The following SP140 variants were observed in gnomAD, a reference collection of about 807,000 sequenced individuals.
SP140 encodes SP140 nuclear body protein.
SP140 carries 81 observed loss-of-function variants against 125.0 expected under a neutral mutation model. That is an observed-to-expected ratio of 0.65 (90% confidence interval 0.54 to 0.78). The LOEUF is 0.78. SP140 is among the 30% of genes least tolerant of loss of function. The pLI is 0.00. For missense variants in SP140, 858 were observed against 1,037.0 expected (o/e 0.83, Z 2.37); for synonymous variants, 312 against 354.0 (o/e 0.88, Z 1.33).
chr2:230,277,887 TAGAG>T (rs2054961142), intron 15 of SP140, among the ~76,000 whole-genome samples: 1 of 152,158 alleles, frequency 6.6e-6, no homozygotes, highest in Non-Finnish European at 1.5e-5. Flanking sequence ...CATCTGTTGA[TAGAG>T]ACTTAGGTTG....
chr2:230,270,931 CT>C, intron 15 of SP140: 1 of 437,858 alleles, frequency 2.3e-6, no homozygotes, highest in Non-Finnish European at 4.4e-6. Flanking sequence ...GAGTGGAAAA[CT>C]TTTCCTGGCT....
chr2:230,219,999 A>G lies in SP140; in HGVS notation c.-90-5756A>G, dbSNP rs146776742. On this transcript the variant is annotated intron_variant, in intron 3 of 4. Coordinates refer to the SP140 transcript ENST00000456542. ...AGGAAGTCTGTGCTTTGACAAACGC[A>G]GTAAGGGGCCGGGCTTCCGAGAAAA... The G allele has an allele frequency of 1.8e-4, 182 of 985,626 alleles. No homozygotes were observed. In the African/African-American group the frequency reaches 3.0e-3, roughly 16 times the overall value. The allele number at this position is 985,626 out of a possible 1,614,324, so 61.1% of individuals were successfully genotyped here. A position where few individuals can be genotyped will look rare whatever the true frequency, so the allele number is the denominator to read the frequency against.
At chr2:230,186,853 A>T in the SP140 span, among the ~76,000 whole-genome samples, 1 of 152,306 alleles carries the variant, frequency 6.6e-6, no homozygotes, top group African/African-American at 2.4e-5. Context: ...TTTATGGCTG[A>T]GTAATACACC....
rs771894235 is a variant in SP140, at chr2:230,255,479, G to A, written c.1187G>A (p.Cys396Tyr). 9.4e-5 allele frequency: 151 copies of A among 1,613,878 alleles called. No homozygotes were observed. Among genetic ancestry groups the A allele is most frequent in the South Asian group, 2.7e-4 (25 of 91,094 alleles). Residue 396 changes from cysteine to tyrosine, a missense_variant, in exon 12 of 27, where the codon TGT becomes TAT. Cys to Tyr is a radical substitution (Grantham distance 194). Transcript: ENST00000392045. The part of the protein sequence containing the change: ...EEGSDDCSEM[C>Y]DGEERQEASS... The stretch of plus-strand genomic sequence containing the variant: ...GGCAGTGATGACTGTTCGGAAATGT[G>A]TGATGGAGAAGAGCGCCAGGAAGCC...
intron 19 of SP140, among the ~76,000 whole-genome samples, chr2:230,291,398 C>T (rs2057098862): frequency 6.6e-6 from 1 of 152,152 alleles, no homozygotes; most frequent in Non-Finnish European, 1.5e-5. Flanking sequence ...ATTTGTTCCC[C>T]ACTGAAAGAA....
intron 3 of SP140, among the ~76,000 whole-genome samples, chr2:230,214,545 GA>G (rs2148936904): frequency 1.3e-5 from 2 of 152,266 alleles, no homozygotes; most frequent in East Asian, 3.9e-4. Context: ...AAGTGTTTGC[GA>G]TAAGGCACCA....
intron 15 of SP140, among the ~76,000 whole-genome samples, chr2:230,271,441 C>T (rs539508446): frequency 1.2e-4 from 19 of 152,006 alleles, no homozygotes; most frequent in Non-Finnish European, 2.5e-4. Flanking sequence ...GCCTATATTG[C>T]GTTAGAGAAA....
chr2:230,297,190 T>C (rs1292117023), intron 21 of SP140, among the ~76,000 whole-genome samples: 2 of 152,226 alleles, frequency 1.3e-5, no homozygotes, highest in East Asian at 1.9e-4. Flanking sequence ...TGGCAGATTC[T>C]AGTTGGTAAA....
At chr2:230,205,515 A>T (rs908753747) in intron 1 of SP140, among the ~76,000 whole-genome samples, 1 of 151,996 alleles carries the variant, frequency 6.6e-6, no homozygotes, top group Non-Finnish European at 1.5e-5. Flanking sequence ...TTTCTAGTTT[A>T]TATTCTTTCC....
chr2:230,310,407 A>G (rs996726112), intron 23 of SP140: 1 of 507,902 alleles, frequency 2.0e-6, no homozygotes, highest in East Asian at 3.8e-5. Flanking sequence ...GGGCTGTTGG[A>G]GGCCCGAGGT....
At chr2:230,207,191 CA>C (rs2043962050) in intron 1 of SP140, among the ~76,000 whole-genome samples, 1 of 152,164 alleles carries the variant, frequency 6.6e-6, no homozygotes, top group African/African-American at 2.4e-5. Flanking sequence ...CTATCCCTCT[CA>C]TGTATCTAAA....
intron 1 of SP140, among the ~76,000 whole-genome samples, chr2:230,231,762 A>T (rs1029058006): frequency 3.3e-5 from 5 of 152,076 alleles, no homozygotes; most frequent in South Asian, 4.2e-4. Flanking sequence ...GCTATAGTGC[A>T]GTGGCGTGGT....
At chr2:230,315,572 G>A (rs997731813), downstream of SP140, among the ~76,000 whole-genome samples, 6 of 152,082 alleles carry the variant, frequency 3.9e-5, no homozygotes, top group East Asian at 1.9e-4. Context: ...ATCATAATAC[G>A]TAGCAATTGG....
intron 15 of SP140, 155 bp downstream of exon 15, chr2:230,270,794 T>G (rs555044573): frequency 1.4e-6 from 1 of 734,946 alleles, no homozygotes; most frequent in Non-Finnish European, 2.4e-6. Flanking sequence ...TCCTAATCCC[T>G]GGACCTGTAA....
At chr2:230,295,842 C>T (rs2057657149) in intron 21 of SP140, among the ~76,000 whole-genome samples, 1 of 152,184 alleles carries the variant, frequency 6.6e-6, no homozygotes, top group African/African-American at 2.4e-5. Context: ...TTAAGAGCCT[C>T]CAGTGATTTC....
downstream of SP140, among the ~76,000 whole-genome samples, chr2:230,316,269 G>T (rs2059483059): frequency 6.6e-6 from 1 of 151,840 alleles, no homozygotes; most frequent in South Asian, 2.1e-4. Flanking sequence ...TAGGTAAGCT[G>T]TCAGGGGTTC....
upstream of SP140, among the ~76,000 whole-genome samples, chr2:230,198,899 G>A (rs541100513): frequency 3.9e-5 from 6 of 152,012 alleles, no homozygotes; most frequent in Admixed American, 2.0e-4. Context: ...ATCTGTGACC[G>A]GAAGCATTTA....
chr2:230,314,254 C>A (rs980966551), downstream of SP140, among the ~76,000 whole-genome samples: 38 of 152,176 alleles, frequency 2.5e-4, no homozygotes, highest in Admixed American at 9.8e-4. Context: ...AGCTACCACC[C>A]CCACCCAACT....
intron 4 of SP140, among the ~76,000 whole-genome samples, chr2:230,242,844 C>T (rs1415811173): frequency 6.6e-6 from 1 of 152,142 alleles, no homozygotes. Context: ...GGTCTCTGGT[C>T]CAGATCTCCA....
Sources: allele counts gnomAD v4.1 joint callset (sites outside exome capture counted in the v4.1 genomes callset), GRCh38; gene constraint gnomAD v4.1.1; transcripts MANE v1.5; gene names NCBI Gene and HGNC (gene_info 2026-07-23, HGNC 2026-07-21).